Variants in PRDM16 observed in about 807,000 individuals in gnomAD.
The protein encoded by PRDM16 is histone-lysine N-methyltransferase PRDM16.
Under a neutral mutation model 110.6 loss-of-function variants are expected in PRDM16, and 23 were observed. The ratio of observed to expected loss-of-function variants is 0.21; its 90% CI spans 0.15 to 0.29. The LOEUF is 0.29. Among genes scored for constraint, PRDM16 ranks in the 10% least tolerant of loss-of-function variants. The pLI, the probability that PRDM16 is intolerant of heterozygous loss-of-function variation, is 1.00. For missense variants in PRDM16, 1,615 were observed against 1,794.3 expected (o/e 0.90, Z 1.81); for synonymous variants, 799 against 781.8 (o/e 1.02, Z -0.37).
chr1:3,400,663 G>T (rs907722170), intron 5 of PRDM16, among the ~76,000 whole-genome samples: 1 of 152,202 alleles, frequency 6.6e-6, no homozygotes. Context: ...GTGGGAAGTG[G>T]ACTGCGCAGG....
chr1:3,200,738 G>T (rs1221165924), intron 2 of PRDM16, among the ~76,000 whole-genome samples: 1 of 150,152 alleles, frequency 6.7e-6, no homozygotes, highest in African/African-American at 2.4e-5. Context: ...AATGCAGAGA[G>T]TGCTGCTTGT....
chr1:3,139,248 T>C (rs1643498221), intron 1 of PRDM16, among the ~76,000 whole-genome samples: 1 of 152,162 alleles, frequency 6.6e-6, no homozygotes, highest in Admixed American at 6.5e-5. Context: ...ACTGGGGGTG[T>C]TGGAACACGG....
At chr1:3,256,599 C>T (rs556112597) in intron 3 of PRDM16, among the ~76,000 whole-genome samples, 1 of 152,326 alleles carries the variant, frequency 6.6e-6, no homozygotes, top group East Asian at 1.9e-4. Flanking sequence ...TGGCTCATGC[C>T]TGTAATCCCA....
At chr1:3,288,431 A>G (rs928896823) in intron 3 of PRDM16, among the ~76,000 whole-genome samples, 2 of 152,170 alleles carry the variant, frequency 1.3e-5, no homozygotes, top group Non-Finnish European at 2.9e-5. Flanking sequence ...CTGGAAGGGA[A>G]CGCCCTCACC....
At chr1:3,410,559 G>C (rs1400179447) in intron 8 of PRDM16, among the ~76,000 whole-genome samples, 2 of 152,190 alleles carry the variant, frequency 1.3e-5, no homozygotes, top group Non-Finnish European at 2.9e-5. Context: ...TCCCCGAGTT[G>C]GGGCCTCCTG....
intron 6 of PRDM16, among the ~76,000 whole-genome samples, chr1:3,403,298 G>A (rs184130501): frequency 6.6e-6 from 1 of 152,204 alleles, no homozygotes; most frequent in African/African-American, 2.4e-5. Flanking sequence ...GGCCCTGCCT[G>A]CCAGGGCTGC....
chr1:3,075,244 T>G (rs2993482), intron 1 of PRDM16, among the ~76,000 whole-genome samples: 14,837 of 152,336 alleles, frequency 0.097, 1,395 homozygotes, highest in African/African-American at 0.23. Context: ...GTGAAGGTTT[T>G]GCTTATTTTA....
At chr1:3,392,522 G>A (rs1040759263) in intron 4 of PRDM16, among the ~76,000 whole-genome samples, 8 of 152,172 alleles carry the variant, frequency 5.3e-5, no homozygotes, top group Admixed American at 3.3e-4. Context: ...GGAGTTTTTC[G>A]TCTATTTGTA....
intron 3 of PRDM16, among the ~76,000 whole-genome samples, chr1:3,251,152 C>T (rs1470941984): frequency 6.6e-6 from 1 of 152,234 alleles, no homozygotes; most frequent in African/African-American, 2.4e-5. Context: ...CCAGAGGAGC[C>T]GGACCAAGCC....
intron 1 of PRDM16, among the ~76,000 whole-genome samples, chr1:3,083,299 C>T (rs550456763): frequency 2.3e-4 from 35 of 152,356 alleles, no homozygotes; most frequent in African/African-American, 8.2e-4. Context: ...AACTGCACAT[C>T]CCTCCCCATC....
chr1:3,273,496 T>C (rs530607460), intron 3 of PRDM16, among the ~76,000 whole-genome samples: 1 of 152,086 alleles, frequency 6.6e-6, no homozygotes, highest in East Asian at 1.9e-4. Context: ...ATATATGAGC[T>C]GCATCTATAA....
rs767412035 is a variant in PRDM16 at position 3,404,775 on chromosome 1, C to T, written c.921C>T (p.Arg307=). 38 of 1,613,496 alleles carry T rather than the reference C, an allele frequency of 2.4e-5. No individual in the cohort carries two copies. The highest frequency in any genetic ancestry group is 4.0e-5 in the African/African-American group (3 of 74,926). Residue 307 remains arginine (R), a synonymous_variant, in exon 7 of 17, where the codon CGC becomes CGT. Coordinates refer to ENST00000270722, the MANE Select transcript of PRDM16 (RefSeq NM_022114.4). Reference sequence around the variant, plus strand: ...ACATGGTCATCCACACGGAGGAGCGCGAGTACAAATGCGACCAGTGTCCCA... The same window carrying T: ...ACATGGTCATCCACACGGAGGAGCGTGAGTACAAATGCGACCAGTGTCCCA... ...EQHMVIHTEE[R]EYKCDQCPKA... is the part of the protein sequence containing the mutation.
At chr1:3,186,509 C>A in intron 2 of PRDM16, 35 bp downstream of exon 2, 4 of 1,301,612 alleles carry the variant, frequency 3.1e-6, no homozygotes, top group South Asian at 1.5e-5. Flanking sequence ...TTGATCACGG[C>A]CATTTATCTT....
chr1:3,162,113 T>G (rs892990168), intron 1 of PRDM16, among the ~76,000 whole-genome samples: 2 of 151,762 alleles, frequency 1.3e-5, no homozygotes, highest in African/African-American at 4.8e-5. Flanking sequence ...AATATACAAA[T>G]GTAATCTTTG....
At chr1:3,113,735 T>C (rs968331282) in intron 1 of PRDM16, among the ~76,000 whole-genome samples, 3 of 152,134 alleles carry the variant, frequency 2.0e-5, no homozygotes, top group African/African-American at 7.2e-5. Context: ...CATGGCCGCG[T>C]GCCCCAGGGC....
chr1:3,135,695 G>A (rs749902740), intron 1 of PRDM16, among the ~76,000 whole-genome samples: 1 of 152,216 alleles, frequency 6.6e-6, no homozygotes, highest in African/African-American at 2.4e-5. Context: ...TGTGGGTCCC[G>A]CACACACTGC....
At chr1:3,281,909 C>T (rs1182464018) in intron 3 of PRDM16, among the ~76,000 whole-genome samples, 2 of 152,122 alleles carry the variant, frequency 1.3e-5, no homozygotes, top group Admixed American at 6.5e-5. Context: ...CCCCAGTCTG[C>T]CTGGAGCTGG....
chr1:3,306,751 C>G (rs983289103), intron 3 of PRDM16: 1 of 152,324 alleles, frequency 6.6e-6, no homozygotes, highest in South Asian at 2.1e-4. Context: ...CAGACTTGTG[C>G]AACCATCACA....
intron 1 of PRDM16, among the ~76,000 whole-genome samples, chr1:3,134,253 A>G (rs1643392031): frequency 6.6e-6 from 1 of 152,018 alleles, no homozygotes. Context: ...AGCTGTCCGG[A>G]GCGCCATTCA....
Sources: allele counts gnomAD v4.1 joint callset (sites outside exome capture counted in the v4.1 genomes callset), GRCh38; gene constraint gnomAD v4.1.1; transcripts MANE v1.5; gene names NCBI Gene and HGNC (gene_info 2026-07-23, HGNC 2026-07-21).